The following KIAA1328 variants were observed in gnomAD, a reference collection of about 807,000 sequenced individuals.
KIAA1328 encodes KIAA1328, also known as protein hinderin.
A neutral mutation model predicts 68.1 loss-of-function variants in KIAA1328; 52 were observed. That is an observed-to-expected ratio of 0.76 (90% CI 0.61 to 0.96). The LOEUF is 0.96. KIAA1328 is among the 40% of genes least tolerant of loss of function. The pLI is 0.00. For missense variants in KIAA1328, 641 were observed against 677.6 expected, an observed-to-expected ratio of 0.95 and a Z score of 0.60; for synonymous variants, 232 against 239.4, an observed-to-expected ratio of 0.97 and a Z score of 0.28.
chr18:36,939,332 T>G (rs1598763593), intron 5 of KIAA1328, among the ~76,000 whole-genome samples: 1 of 152,276 alleles, frequency 6.6e-6, no homozygotes, highest in East Asian at 1.9e-4. Context: ...TCCTAAGTAT[T>G]TTATTTTTTA....
intron 9 of KIAA1328, among the ~76,000 whole-genome samples, chr18:37,174,446 G>C (rs1203565911): frequency 6.9e-6 from 1 of 144,854 alleles, no homozygotes; most frequent in Non-Finnish European, 1.5e-5. Context: ...ACAGTGGTGC[G>C]ATCTCAGCTC....
intron 4 of KIAA1328, among the ~76,000 whole-genome samples, chr18:36,850,717 A>G (rs1298232158): frequency 1.3e-5 from 2 of 152,160 alleles, no homozygotes; most frequent in Non-Finnish European, 2.9e-5. Flanking sequence ...GGGATGCTAC[A>G]TGACTAACGC....
rs868045845 is a variant in KIAA1328 at position 37,185,722 on chromosome 18, C to T, written c.1523+12641C>T. ...ATACGTATATACCTACTGATATATA[C>T]ACACACACACACACACACGTACACA... On this transcript the variant is annotated intron_variant, in intron 9 of 9. Transcript: ENST00000280020. Among the ~76,000 whole-genome samples, 43 of 147,312 alleles carry T rather than the reference C, an allele frequency of 2.9e-4. No homozygotes were observed. In the Middle Eastern group the frequency reaches 0.011, roughly 38 times the overall value.
intron 7 of KIAA1328, among the ~76,000 whole-genome samples, chr18:37,159,803 G>A (rs1172062566): frequency 1.3e-5 from 2 of 152,116 alleles, no homozygotes; most frequent in Non-Finnish European, 2.9e-5. Context: ...GCGTTTGTGT[G>A]AGGCACATTG....
At chr18:37,127,820 T>C (rs1443978991) in intron 7 of KIAA1328, among the ~76,000 whole-genome samples, 1 of 152,172 alleles carries the variant, frequency 6.6e-6, no homozygotes, top group East Asian at 1.9e-4. Flanking sequence ...CAAGACTTGC[T>C]ATAAAGCTGC....
In KIAA1328 at chr18:37,164,482, C is replaced by T. The variant is rs185568481; in HGVS notation, c.1414+4101C>T. Among the ~76,000 whole-genome samples the T allele has an allele frequency of 2.1e-3, 315 of 152,132 alleles. 3 individuals are homozygous for T. The highest frequency in any genetic ancestry group is 5.3e-4 in the Non-Finnish European group (36 of 67,990). On this transcript the variant is annotated intron_variant, in intron 8 of 9. Transcript: ENST00000280020. ...AGCACTGGCTGGGTGTGGTGGCTCA[C>T]GCCTGTAAGCTCAGCACTTTGTGAG...
chr18:37,044,388 A>G (rs1261124795), intron 6 of KIAA1328, among the ~76,000 whole-genome samples: 2 of 152,130 alleles, frequency 1.3e-5, no homozygotes, highest in Non-Finnish European at 1.5e-5. Flanking sequence ...AAAGGAAAGG[A>G]GTATATTCAG....
At chr18:37,124,058 G>A (rs2058334520) in intron 7 of KIAA1328, among the ~76,000 whole-genome samples, 1 of 152,132 alleles carries the variant, frequency 6.6e-6, no homozygotes, top group African/African-American at 2.4e-5. Flanking sequence ...ATGATGGTTA[G>A]TTCTAAAATG....
intron 6 of KIAA1328, among the ~76,000 whole-genome samples, chr18:37,016,595 C>T (rs1039419949): frequency 6.6e-6 from 1 of 152,044 alleles, no homozygotes; most frequent in East Asian, 1.9e-4. Context: ...TGGTCTGGGG[C>T]TTTTTGTTTG....
intron 4 of KIAA1328, among the ~76,000 whole-genome samples, chr18:36,857,864 C>T (rs1036458178): frequency 1.1e-4 from 17 of 151,986 alleles, no homozygotes; most frequent in Admixed American, 2.6e-4. Flanking sequence ...GGTCAGAGAC[C>T]ATATGATTTT....
chr18:36,948,835 C>T (rs1429529556), intron 5 of KIAA1328, among the ~76,000 whole-genome samples: 1 of 152,246 alleles, frequency 6.6e-6, no homozygotes, highest in Non-Finnish European at 1.5e-5. Context: ...AGGCGTAAGC[C>T]ACTGCGACAT....
intron 7 of KIAA1328, among the ~76,000 whole-genome samples, chr18:37,077,691 G>A (rs867683781): frequency 1.7e-5 from 2 of 118,178 alleles, no homozygotes; most frequent in African/African-American, 3.9e-5. Context: ...ACCAGTAACA[G>A]ACAGAGAGCC....
At chr18:36,902,180 C>T (rs1025383904) in intron 5 of KIAA1328, 1 of 151,782 alleles carries the variant, frequency 6.6e-6, no homozygotes, top group Non-Finnish European at 1.5e-5. Context: ...GAAAATCCAG[C>T]CTCACTTAGA....
intron 6 of KIAA1328, among the ~76,000 whole-genome samples, chr18:36,965,027 G>C (rs566714791): frequency 6.6e-6 from 1 of 152,120 alleles, no homozygotes; most frequent in East Asian, 1.9e-4. Flanking sequence ...ATAAGAGAAA[G>C]CCTAGGCAGC....
At chr18:36,881,839 G>A (rs953624975) in intron 4 of KIAA1328, among the ~76,000 whole-genome samples, 1 of 152,058 alleles carries the variant, frequency 6.6e-6, no homozygotes, top group Non-Finnish European at 1.5e-5. Context: ...GACACATTTT[G>A]GTTATCTATT....
At chr18:37,182,867 A>G (rs757369042) in intron 9 of KIAA1328, among the ~76,000 whole-genome samples, 2 of 152,130 alleles carry the variant, frequency 1.3e-5, no homozygotes, top group Non-Finnish European at 2.9e-5. Context: ...CATGTTGGGC[A>G]CTCAGTGTTA....
intron 7 of KIAA1328, among the ~76,000 whole-genome samples, chr18:37,093,910 A>G (rs1287850658): frequency 1.3e-5 from 2 of 152,252 alleles, no homozygotes; most frequent in African/African-American, 4.8e-5. Flanking sequence ...CAAGTCACAT[A>G]TAAAGGAATC....
rs529746786 is a variant in KIAA1328 at position 37,099,744 on chromosome 18, C to T, written c.1232+32199C>T. Among the ~76,000 whole-genome samples the T allele has an allele frequency of 1.1e-3, 170 of 152,094 alleles. 4 individuals carry two copies. In the South Asian group the frequency reaches 0.025, roughly 22 times the overall value. ...TGTAGGTCTCTAAGGACTTGCTTTA[C>T]GAATCTGGGTACTCCTGTATTGGGT... On this transcript the variant is annotated intron_variant, in intron 7 of 9. Transcript: ENST00000280020.
intron 7 of KIAA1328, among the ~76,000 whole-genome samples, chr18:37,141,067 T>A (rs2154208130): frequency 6.6e-6 from 1 of 152,292 alleles, no homozygotes; most frequent in African/African-American, 2.4e-5. Context: ...TTTTTCTGCG[T>A]TTGTCTTCAA....
Sources: allele counts gnomAD v4.1 joint callset (sites outside exome capture counted in the v4.1 genomes callset), GRCh38; gene constraint gnomAD v4.1.1; transcripts MANE v1.5; gene names NCBI Gene and HGNC (gene_info 2026-07-23, HGNC 2026-07-21).